The following RANBP17 variants were observed in gnomAD, a reference collection of about 807,000 sequenced individuals.
RANBP17 encodes the protein ran-binding protein 17.
In RANBP17, 158 loss-of-function variants were observed where a neutral mutation model predicts 141.2. The observed-to-expected ratio is 1.12, with a 90% CI of 0.98 to 1.28. RANBP17 has a LOEUF of 1.28. RANBP17 is among the 50% of genes most tolerant of loss of function. RANBP17 has a pLI of 0.00. For synonymous variants in RANBP17, 430 were observed against 450.0 expected, an observed-to-expected ratio of 0.96 and a Z score of 0.56; for missense variants, 1,438 against 1,290.7, an observed-to-expected ratio of 1.11 and a Z score of -1.75.
At chr5:170,912,424 A>G (rs1287410236) in intron 7 of RANBP17, among the ~76,000 whole-genome samples, 2 of 151,986 alleles carry the variant, frequency 1.3e-5, no homozygotes, top group Non-Finnish European at 2.9e-5. Context: ...ATGTGAATCT[A>G]CAATTATCTC....
intron 13 of RANBP17, among the ~76,000 whole-genome samples, chr5:170,964,838 A>T (rs1776424551): frequency 6.6e-6 from 1 of 152,070 alleles, no homozygotes; most frequent in African/African-American, 2.4e-5. Context: ...TGCTATTGTG[A>T]ATAGTGCCAC....
chr5:171,236,915 A>G (rs1372019606), intron 22 of RANBP17, among the ~76,000 whole-genome samples: 3 of 152,148 alleles, frequency 2.0e-5, no homozygotes, highest in Non-Finnish European at 2.9e-5. Flanking sequence ...CTATATGTTT[A>G]TCTTCTGTTA....
At chr5:170,913,648 G>A (rs777874273) in intron 7 of RANBP17, among the ~76,000 whole-genome samples, 67 of 152,060 alleles carry the variant, frequency 4.4e-4, no homozygotes, top group African/African-American at 1.5e-3. Context: ...GGTAGGGGTG[G>A]TAGGGTTGTG....
chr5:171,064,429 T>C (rs1017318006), intron 14 of RANBP17, among the ~76,000 whole-genome samples: 1 of 152,268 alleles, frequency 6.6e-6, no homozygotes, highest in African/African-American at 2.4e-5. Context: ...TTACATATGT[T>C]TTTACATAAT....
chr5:170,867,141 C>T (rs992526702), intron 1 of RANBP17: 6 of 152,210 alleles, frequency 3.9e-5, no homozygotes, highest in Admixed American at 6.5e-5. Context: ...AAGACCCTGT[C>T]TCTTGAAGTA....
At position 171,038,190 on chromosome 5, in the gene RANBP17, G is replaced by GTC. The variant is rs1283114221; in HGVS notation, c.1710+69814_1710+69815insCT. 2.0e-5 allele frequency among the ~76,000 whole-genome samples: 3 copies of GTC among 151,680 alleles called. No individual in the cohort carries two copies. In the East Asian group the frequency reaches 5.8e-4, roughly 29 times the overall value. On this transcript the variant is annotated intron_variant, in intron 14 of 27. Transcript: ENST00000523189. ...TGTGTGTGTGTGTGTGTGTGTGTGT[G>GTC]TGTGTGCACGTGCACAGCAATTATA...
intron 14 of RANBP17, among the ~76,000 whole-genome samples, chr5:170,979,210 G>A (rs1475582832): frequency 6.6e-6 from 1 of 152,166 alleles, no homozygotes; most frequent in African/African-American, 2.4e-5. Flanking sequence ...GAATGGATTA[G>A]AGCAAAAGGC....
At chr5:171,279,866 T>C (rs1260946224) in intron 25 of RANBP17, among the ~76,000 whole-genome samples, 5 of 152,302 alleles carry the variant, frequency 3.3e-5, no homozygotes, top group Non-Finnish European at 2.9e-5. Flanking sequence ...TTAAGGCTTC[T>C]TATCACTAGA....
chr5:170,996,548 CA>C, intron 14 of RANBP17, among the ~76,000 whole-genome samples: 1 of 152,152 alleles, frequency 6.6e-6, no homozygotes, highest in East Asian at 1.9e-4. Flanking sequence ...ATAGTTATGC[CA>C]AAAAGTTTTT....
chr5:170,922,652 G>T (rs1772566245), intron 11 of RANBP17, among the ~76,000 whole-genome samples: 1 of 152,192 alleles, frequency 6.6e-6, no homozygotes, highest in South Asian at 2.1e-4. Flanking sequence ...CTCCTGGTCT[G>T]CAGGTTGCTA....
At chr5:171,083,634 A>G (rs1221936893) in intron 14 of RANBP17, among the ~76,000 whole-genome samples, 2 of 152,128 alleles carry the variant, frequency 1.3e-5, no homozygotes, top group South Asian at 2.1e-4. Flanking sequence ...CAAAACCTAT[A>G]TATGTGGAGG....
chr5:171,136,302 C>T (rs1295983269), intron 14 of RANBP17, among the ~76,000 whole-genome samples: 1 of 152,064 alleles, frequency 6.6e-6, no homozygotes, highest in East Asian at 1.9e-4. Flanking sequence ...TTTCAAGATA[C>T]CCAAGAATAT....
At chr5:171,189,416 A>G (rs559440367) in intron 18 of RANBP17, among the ~76,000 whole-genome samples, 1 of 152,336 alleles carries the variant, frequency 6.6e-6, no homozygotes, top group Non-Finnish European at 1.5e-5. Flanking sequence ...TCCCAAAATT[A>G]TGTTGGGCAC....
At chr5:171,205,892 A>C in intron 20 of RANBP17, 4 of 482,470 alleles carry the variant, frequency 8.3e-6, no homozygotes, top group South Asian at 7.7e-5. Flanking sequence ...TTGAAGGGAT[A>C]ATCTGGCTAA....
chr5:171,194,507 G>A (rs1374446777), intron 18 of RANBP17, among the ~76,000 whole-genome samples: 1 of 152,064 alleles, frequency 6.6e-6, no homozygotes, highest in African/African-American at 2.4e-5. Context: ...TGTTTTCAAG[G>A]CACATTCATG....
chr5:171,171,560 T>TTA (rs1760101714), intron 16 of RANBP17, among the ~76,000 whole-genome samples: 1 of 151,994 alleles, frequency 6.6e-6, no homozygotes, highest in African/African-American at 2.4e-5. Flanking sequence ...TAATAAATGG[T>TTA]TATATAAGAA....
intron 14 of RANBP17, among the ~76,000 whole-genome samples, chr5:171,047,441 T>TG: frequency 1.1e-5 from 1 of 92,960 alleles, no homozygotes; most frequent in East Asian, 4.7e-4. Context: ...TTTTTTGTTT[T>TG]GTTTTTTTTT....
intron 12 of RANBP17, among the ~76,000 whole-genome samples, chr5:170,926,941 G>C (rs1032274180): frequency 6.6e-6 from 1 of 151,978 alleles, no homozygotes; most frequent in African/African-American, 2.4e-5. Context: ...TCATAATATA[G>C]AGAGAACTCT....
rs1288697491 is a variant in RANBP17, at chr5:171,131,695, A to G, written c.1711-38435A>G. 3.3e-5 allele frequency among the ~76,000 whole-genome samples: 5 copies of G among 152,238 alleles called. No homozygotes were observed. In the East Asian group the frequency reaches 9.6e-4, roughly 29 times the overall value. The stretch of plus-strand genomic sequence containing the variant: ...TTTATGATACCTGTTTCTGACAGCT[A>G]TAGTGCAGAGATTCCCAGGGTAGCT... On this transcript the variant is annotated intron_variant, in intron 14 of 27. Coordinates refer to ENST00000523189, the MANE Select transcript of RANBP17 (RefSeq NM_022897.5).
Sources: allele counts gnomAD v4.1 joint callset (sites outside exome capture counted in the v4.1 genomes callset), GRCh38; gene constraint gnomAD v4.1.1; transcripts MANE v1.5; gene names NCBI Gene and HGNC (gene_info 2026-07-23, HGNC 2026-07-21).